The following FERMT1 variants were observed in gnomAD, a reference collection of about 807,000 sequenced individuals.
The protein encoded by FERMT1 is fermitin family homolog 1.
In FERMT1, 60 loss-of-function variants were observed where a neutral mutation model predicts 85.3. The observed-to-expected ratio is 0.70, with a 90% CI of 0.57 to 0.87. FERMT1 has a LOEUF of 0.87. FERMT1 is among the 40% of genes least tolerant of loss of function. The pLI is 0.00. For missense variants in FERMT1, 701 were observed against 818.9 expected (o/e 0.86, Z 1.76); for synonymous variants, 275 against 301.1 (o/e 0.91, Z 0.90).
chr20:6,103,638 T>A (rs1982719745), intron 6 of FERMT1, among the ~76,000 whole-genome samples: 1 of 152,212 alleles, frequency 6.6e-6, no homozygotes, highest in African/African-American at 2.4e-5. Context: ...ACTATATATT[T>A]ACATCCTTTG....
chr20:6,083,694 A>G, intron 13 of FERMT1, among the ~76,000 whole-genome samples: 1 of 51,010 alleles, frequency 2.0e-5, no homozygotes, highest in Non-Finnish European at 4.3e-5. Flanking sequence ...CCGATCTCTT[A>G]AAAAAAAAAA....
intron 8 of FERMT1, among the ~76,000 whole-genome samples, chr20:6,096,306 A>G (rs7265417): frequency 0.093 from 14,157 of 152,150 alleles, 697 homozygotes; most frequent in African/African-American, 0.12. Flanking sequence ...TGGGAGAGTC[A>G]CTTGAGCCCT....
At chr20:6,097,295 G>A (rs1169307650) in intron 7 of FERMT1, among the ~76,000 whole-genome samples, 2 of 152,156 alleles carry the variant, frequency 1.3e-5, no homozygotes, top group Admixed American at 6.5e-5. Context: ...CAAGACTAGT[G>A]TCTTACAGAG....
In FERMT1 at chr20:6,115,942, T is replaced by A. The variant is rs776160144; in HGVS notation, c.254A>T (p.Asp85Val). The change falls in exon 3 of 15, where the codon GAT becomes GTT. Residue 85 changes from aspartate (D) to valine (V), a missense_variant. Transcript: ENST00000217289. ...CTGAGGGGTGAAGAGAAGCTTTGCA[T>A]CTGCCTGGACCCCATATTTGTCCAG... ...WTLDKYGVQA[D>V]AKLLFTPQHK... 6.8e-6 allele frequency: 11 copies of A among 1,614,074 alleles called. No homozygotes were observed. The highest frequency in any genetic ancestry group is 1.3e-5 in the African/African-American group (1 of 74,928).
chr20:6,104,678 C>T lies in FERMT1; in HGVS notation c.849+2854G>A, dbSNP rs531222653. ...AAGAGGGAGCTCCTCACCAATTAAGCGGGCAGAGGCTGGAGGCCAAAGAGC... is the reference window on the plus strand; with the variant it reads ...AAGAGGGAGCTCCTCACCAATTAAGTGGGCAGAGGCTGGAGGCCAAAGAGC... On this transcript the variant is annotated intron_variant, in intron 6 of 14. Transcript: ENST00000217289. This position sits in a 1 kb window ranked among gnomAD's most constrained non-coding sequence, Gnocchi z 4.2. Among the ~76,000 whole-genome samples, 11 of 152,276 alleles carry T rather than the reference C, an allele frequency of 7.2e-5. No homozygotes were observed. Among genetic ancestry groups the T allele is most frequent in the Admixed American group, 2.6e-4 (4 of 15,294 alleles).
intron 14 of FERMT1, among the ~76,000 whole-genome samples, chr20:6,077,919 T>C (rs1283925066): frequency 6.6e-6 from 1 of 152,170 alleles, no homozygotes; most frequent in African/African-American, 2.4e-5. Context: ...TGACCTCAAG[T>C]GATCCATGCC....
At chr20:6,079,787 A>G (rs569524461) in intron 13 of FERMT1, among the ~76,000 whole-genome samples, 1 of 152,348 alleles carries the variant, frequency 6.6e-6, no homozygotes, top group South Asian at 2.1e-4. Flanking sequence ...GATGGTCTTT[A>G]AGTAAAACTG....
chr20:6,102,159 C>T (rs1055943907), intron 6 of FERMT1, among the ~76,000 whole-genome samples: 1 of 152,096 alleles, frequency 6.6e-6, no homozygotes, highest in Non-Finnish European at 1.5e-5. Flanking sequence ...TCCCTAGTAG[C>T]TGGGAGTTCC....
At chr20:6,106,874 T>TG (rs980386647) in intron 6 of FERMT1, among the ~76,000 whole-genome samples, 2 of 152,116 alleles carry the variant, frequency 1.3e-5, no homozygotes, top group African/African-American at 4.8e-5. Flanking sequence ...ACCTGACCTC[T>TG]GACAACTCCT....
At chr20:6,111,487 C>T (rs1217936689) in intron 4 of FERMT1, among the ~76,000 whole-genome samples, 1 of 152,058 alleles carries the variant, frequency 6.6e-6, no homozygotes, top group African/African-American at 2.4e-5. Context: ...CAAAAATTAG[C>T]CAAGTGTGAT....
chr20:6,098,133 C>T (rs6139912), intron 6 of FERMT1, among the ~76,000 whole-genome samples: 43,542 of 152,044 alleles, frequency 0.29, 6,496 homozygotes, highest in South Asian at 0.45. Flanking sequence ...ATTTTACTTC[C>T]AGGGCTGCTG....
chr20:6,084,165 C>A lies in FERMT1; in HGVS notation c.1594-1G>T. On this transcript the variant is annotated splice_acceptor_variant, in intron 12 of 14. Coordinates refer to ENST00000217289, the MANE Select transcript of FERMT1 (RefSeq NM_017671.5). LOFTEE classifies it high-confidence loss of function. ...GCGCCTCCAGGATCCGGGCGGCCAG[C>A]TGAACAGAAACAGACATCAACCTCT... 6.2e-7 allele frequency: 1 copy of A among 1,610,008 alleles called. No individual in the cohort carries two copies. The highest frequency in any genetic ancestry group is 2.2e-5 in the East Asian group (1 of 44,756).
At chr20:6,081,871 G>A (rs1358570975) in intron 13 of FERMT1, among the ~76,000 whole-genome samples, 2 of 152,110 alleles carry the variant, frequency 1.3e-5, no homozygotes, top group South Asian at 2.1e-4. Flanking sequence ...GTTCTGGAAT[G>A]TTTTCCACAT....
intron 6 of FERMT1, among the ~76,000 whole-genome samples, chr20:6,103,433 CCT>C (rs1982714189): frequency 6.6e-6 from 1 of 152,136 alleles, no homozygotes; most frequent in Non-Finnish European, 1.5e-5. Context: ...GCTATAAACA[CCT>C]AGGAGTGGAT....
chr20:6,096,737 T>C (rs1982508320), intron 8 of FERMT1, among the ~76,000 whole-genome samples, 165 bp downstream of exon 8: 1 of 150,804 alleles, frequency 6.6e-6, no homozygotes, highest in Admixed American at 6.7e-5. Flanking sequence ...AGCTAACCCA[T>C]GAAAAGTTAG....
chr20:6,102,679 GAAA>G (rs769578429), intron 6 of FERMT1, among the ~76,000 whole-genome samples: 1 of 50,764 alleles, frequency 2.0e-5, no homozygotes, highest in Non-Finnish European at 3.9e-5. Flanking sequence ...TGTGTCTCAA[GAAA>G]AAAAAAAAAA....
At chr20:6,105,995 G>A (rs1982786303) in intron 6 of FERMT1, among the ~76,000 whole-genome samples, 1 of 152,172 alleles carries the variant, frequency 6.6e-6, no homozygotes, top group Admixed American at 6.5e-5. Flanking sequence ...AGTCATGAAT[G>A]AGGCTTAAAT....
intron 3 of FERMT1, among the ~76,000 whole-genome samples, chr20:6,114,420 T>C (rs146612244): frequency 2.5e-3 from 379 of 152,344 alleles, no homozygotes; most frequent in Middle Eastern, 6.8e-3. Context: ...TACAAAGAGA[T>C]AATCAGGAAA....
Position 6,084,162 on chromosome 20 carries a change from C to T in FERMT1, c.1596G>A (p.Leu532=), listed in dbSNP as rs202039461. 23 of 1,610,448 alleles carry T rather than the reference C, an allele frequency of 1.4e-5. No homozygotes were observed. Among genetic ancestry groups the T allele is most frequent in the Non-Finnish European group, 1.9e-5 (22 of 1,178,346 alleles). Residue 532 remains leucine (L), a splice_region_variant and synonymous_variant, in exon 13 of 15, where the codon CTG becomes CTA. Transcript: ENST00000217289. ...GGTGCGCCTCCAGGATCCGGGCGGC[C>T]AGCTGAACAGAAACAGACATCAACC... ...RCAKRHKSKQ[L]AARILEAHQN... is the part of the protein sequence containing the mutation.
Sources: gnomAD v4.1 joint callset for allele counts (sites outside exome capture counted in the v4.1 genomes callset) on GRCh38, gnomAD v4.1.1 for gene constraint, Gnocchi (gnomAD v3.1) non-coding constraint, MANE v1.5 for transcripts, NCBI Gene and HGNC (gene_info 2026-07-23, HGNC 2026-07-21) for gene names.